The following GABRA2 variants were observed in gnomAD, a reference collection of about 807,000 sequenced individuals.
The protein encoded by GABRA2 is gamma-aminobutyric acid type A receptor subunit alpha2, also known as gamma-aminobutyric acid receptor subunit alpha-2.
Under a neutral mutation model 48.7 loss-of-function variants are expected in GABRA2, and 16 were observed. That is an observed-to-expected ratio of 0.33 (90% CI 0.22 to 0.50). GABRA2 has a LOEUF of 0.50. GABRA2 is among the 20% of genes least tolerant of loss of function. The probability of loss-of-function intolerance (pLI) is 0.98; values close to 1 mark genes in which losing one functional copy is unlikely to be tolerated. For synonymous variants in GABRA2, 185 were observed against 184.5 expected (o/e 1.00, Z -0.02); for missense variants, 275 against 535.6 (o/e 0.51, Z 4.80).
intron 3 of GABRA2, chr4:46,368,877 G>A (rs1434445223): frequency 1.7e-5 from 9 of 536,858 alleles, no homozygotes; most frequent in Admixed American, 2.9e-5. Context: ...GTGCTCTCCA[G>A]TTCTTCAATC....
intron 4 of GABRA2, among the ~76,000 whole-genome samples, chr4:46,322,395 C>T (rs1336510099): frequency 1.3e-5 from 2 of 151,898 alleles, no homozygotes. Context: ...CAAGGCCCTG[C>T]ACGATCTCTT....
At chr4:46,369,290 T>G (rs547084544) in intron 3 of GABRA2, among the ~76,000 whole-genome samples, 1 of 152,038 alleles carries the variant, frequency 6.6e-6, no homozygotes, top group African/African-American at 2.4e-5. Flanking sequence ...CAGCTTGGGG[T>G]CACCAGATTT....
In GABRA2 at chr4:46,243,944, C is replaced by A. The variant is rs1713233117; in HGVS notation, c.*6364G>T. ...CATTTTTTAAAGTTTTCACTCACAT[C>A]ACATCTACTGGAAACATTTCATGAA... On this transcript the variant is annotated 3_prime_UTR_variant, in exon 10 of 10. Transcript: ENST00000381620. The A allele has an allele frequency of 6.6e-6, 1 of 151,484 alleles. No homozygotes were observed. Among genetic ancestry groups the A allele is most frequent in the African/African-American group, 2.4e-5 (1 of 41,370 alleles). The allele number at this position is 151,484 out of a possible 1,614,324, so 9.4% of individuals were successfully genotyped here. A position where few individuals can be genotyped will look rare whatever the true frequency, so the allele number is the denominator to read the frequency against.
rs951748744 is a variant in GABRA2 at position 46,244,082 on chromosome 4, C to T, written c.*6226G>A. On this transcript the variant is annotated 3_prime_UTR_variant, in exon 10 of 10. Transcript: ENST00000381620. ...TTTAAAATCAAGTGTAGTGCAGGCA[C>T]CCAAGATTAACAAGCAATAAGGACT... The T allele has an allele frequency of 5.3e-5, 8 of 151,434 alleles. No individual in the cohort carries two copies. Among genetic ancestry groups the T allele is most frequent in the African/African-American group, 1.9e-4 (8 of 41,446 alleles). 9.4% of individuals were successfully genotyped at this position (151,434 alleles called of 1,614,324 possible).
At chr4:46,335,536 C>T (rs1444701888) in intron 3 of GABRA2, among the ~76,000 whole-genome samples, 5 of 152,034 alleles carry the variant, frequency 3.3e-5, no homozygotes, top group East Asian at 3.9e-4. Flanking sequence ...TGCAGTGGTG[C>T]GATCTCAGCT....
At position 46,338,812 on chromosome 4, in the gene GABRA2, C is replaced by T. The variant is rs1732714066; in HGVS notation, c.188-6130G>A. 2.6e-5 allele frequency among the ~76,000 whole-genome samples: 4 copies of T among 151,788 alleles called. No homozygotes were observed. The South Asian group carries it at 8.3e-4, about 31-fold the overall frequency. ...CTAATGTCTCCTACCCATTTCTGACCTTCTAGTCTTACTATTTTCTTGGAG... is the reference window on the plus strand; with the variant it reads ...CTAATGTCTCCTACCCATTTCTGACTTTCTAGTCTTACTATTTTCTTGGAG... On this transcript the variant is annotated intron_variant, in intron 3 of 9. Coordinates refer to ENST00000381620, the MANE Select transcript of GABRA2 (RefSeq NM_000807.4).
chr4:46,303,172 A>C (rs1726043670), intron 8 of GABRA2: 2 of 295,366 alleles, frequency 6.8e-6, no homozygotes, highest in Non-Finnish European at 1.2e-5. Context: ...AAGAAAATTC[A>C]CCTTGTGTAA....
chr4:46,329,297 G>A (rs1730927799), intron 4 of GABRA2, among the ~76,000 whole-genome samples: 1 of 152,048 alleles, frequency 6.6e-6, no homozygotes, highest in Non-Finnish European at 1.5e-5. Flanking sequence ...TCAATAGAGG[G>A]TGCTGGAGGG....
rs548469744 is a variant in GABRA2, at chr4:46,324,996, C to CT, written c.255+7618dup. 1.4e-3 allele frequency among the ~76,000 whole-genome samples: 209 copies of CT among 151,990 alleles called. 2 individuals are homozygous for CT. Among genetic ancestry groups the CT allele is most frequent in the African/African-American group, 4.9e-3 (204 of 41,494 alleles). ...ATGGGCATCTAGGTTGATTCCATGT[C>CT]TTTTCTATTGTGAATTGTGCTGCAA... On this transcript the variant is annotated intron_variant, in intron 4 of 9. Coordinates refer to ENST00000381620, the MANE Select transcript of GABRA2 (RefSeq NM_000807.4).
chr4:46,321,843 A>G (rs1729505342), intron 4 of GABRA2, among the ~76,000 whole-genome samples: 1 of 152,034 alleles, frequency 6.6e-6, no homozygotes, highest in African/African-American at 2.4e-5. Flanking sequence ...AGAGACAACC[A>G]GCAATTAAAG....
intron 3 of GABRA2, among the ~76,000 whole-genome samples, chr4:46,354,399 T>A (rs1158401628): frequency 6.6e-6 from 1 of 152,180 alleles, no homozygotes; most frequent in African/African-American, 2.4e-5. Context: ...TCAAAAAATA[T>A]GTTATTCCAG....
intron 9 of GABRA2, among the ~76,000 whole-genome samples, chr4:46,255,299 C>T (rs531926): frequency 0.62 from 93,767 of 151,184 alleles, 29,734 homozygotes; most frequent in South Asian, 0.76. Context: ...GATAATATGT[C>T]ATATAGACTA....
chr4:46,290,179 C>G (rs1364223313), intron 8 of GABRA2, among the ~76,000 whole-genome samples: 1 of 151,578 alleles, frequency 6.6e-6, no homozygotes, highest in African/African-American at 2.4e-5. Context: ...GCTGGGATTG[C>G]AGACGCCAGC....
chr4:46,332,529 T>A, intron 4 of GABRA2, 86 bp downstream of exon 4: 1 of 786,214 alleles, frequency 1.3e-6, no homozygotes, highest in Non-Finnish European at 2.3e-6. Context: ...TACATAATTC[T>A]ATAACACTAA....
At chr4:46,252,284 A>T (rs1714929695) in intron 9 of GABRA2, among the ~76,000 whole-genome samples, 1 of 151,534 alleles carries the variant, frequency 6.6e-6, no homozygotes, top group Non-Finnish European at 1.5e-5. Flanking sequence ...AAAAGCTACA[A>T]AATATCTCTT....
chr4:46,259,455 G>T lies in GABRA2; in HGVS notation c.1059+2471C>A, dbSNP rs1053171967. ...TTAATATAGGGCTCAAATGTAGCTTGAGTATAACTGAGAGTGTTTATTTAT... is the reference window on the plus strand; with the variant it reads ...TTAATATAGGGCTCAAATGTAGCTTTAGTATAACTGAGAGTGTTTATTTAT... On this transcript the variant is annotated intron_variant, in intron 9 of 9. Transcript: ENST00000381620. Among the ~76,000 whole-genome samples, 5 of 151,840 alleles carry T rather than the reference G, an allele frequency of 3.3e-5. No individual in the cohort carries two copies. The South Asian group carries it at 1.0e-3, about 31-fold the overall frequency.
At chr4:46,379,197 C>T (rs866682360) in intron 3 of GABRA2, among the ~76,000 whole-genome samples, 1 of 152,180 alleles carries the variant, frequency 6.6e-6, no homozygotes, top group South Asian at 2.1e-4. Flanking sequence ...CTGTACCTAA[C>T]ATTACCGTGT....
intron 3 of GABRA2, among the ~76,000 whole-genome samples, chr4:46,338,586 G>T: frequency 6.6e-6 from 1 of 151,818 alleles, no homozygotes; most frequent in African/African-American, 2.4e-5. Flanking sequence ...TCTTCCCAAA[G>T]TGAGGTATCC....
chr4:46,337,005 A>G (rs1172079263), intron 3 of GABRA2, among the ~76,000 whole-genome samples: 1 of 152,148 alleles, frequency 6.6e-6, no homozygotes, highest in African/African-American at 2.4e-5. Flanking sequence ...AACTTCTTAT[A>G]AAATCTTTGC....
Sources: allele counts gnomAD v4.1 joint callset (sites outside exome capture counted in the v4.1 genomes callset), GRCh38; gene constraint gnomAD v4.1.1; transcripts MANE v1.5; gene names NCBI Gene and HGNC (gene_info 2026-07-23, HGNC 2026-07-21).